DNER: variants seen among roughly 807,000 people sequenced by gnomAD.
The protein encoded by DNER is delta and Notch-like epidermal growth factor-related receptor.
DNER carries 33 observed loss-of-function variants against 78.2 expected under a neutral mutation model. The observed-to-expected ratio is 0.42, with a 90% confidence interval of 0.32 to 0.56. DNER has a LOEUF of 0.56. Among genes scored for constraint, DNER ranks in the 20% least tolerant of loss-of-function variants. The pLI, the probability that DNER is intolerant of heterozygous loss-of-function variation, is 0.11. For synonymous variants in DNER, 417 were observed against 384.8 expected, an observed-to-expected ratio of 1.08 and a Z score of -0.98; for missense variants, 918 against 975.3, an observed-to-expected ratio of 0.94 and a Z score of 0.78.
chr2:229,401,732 T>C (rs1693271529), intron 10 of DNER, among the ~76,000 whole-genome samples: 1 of 152,172 alleles, frequency 6.6e-6, no homozygotes, highest in Non-Finnish European at 1.5e-5. Flanking sequence ...AGTTTTACAA[T>C]ATGTTATCAT....
At chr2:229,497,272 A>G (rs1695519512) in intron 6 of DNER, among the ~76,000 whole-genome samples, 1 of 152,182 alleles carries the variant, frequency 6.6e-6, no homozygotes, top group African/African-American at 2.4e-5. Context: ...GAAACACAAC[A>G]TACCAAAACT....
rs1383701679 is a variant in DNER at position 229,367,127 on chromosome 2, CA to C, written c.1856-9del. ...CGGACTTCCATTGGAGGTCTGCAGG[CA>C]AAAATAAGCAAATGGCTGGGTATGA... On this transcript the variant is annotated splice_polypyrimidine_tract_variant and intron_variant, in intron 11 of 12. Transcript: ENST00000341772. The C allele has an allele frequency of 8.1e-6, 13 of 1,613,302 alleles. No homozygotes were observed. Among genetic ancestry groups the C allele is most frequent in the Non-Finnish European group, 1.1e-5 (13 of 1,179,796 alleles).
chr2:229,398,644 A>T (rs1435924950), intron 10 of DNER, among the ~76,000 whole-genome samples: 1 of 152,142 alleles, frequency 6.6e-6, no homozygotes, highest in Non-Finnish European at 1.5e-5. Context: ...TTTTAAAACA[A>T]CAACTTGAGA....
chr2:229,686,155 G>A (rs1382971445), intron 1 of DNER, among the ~76,000 whole-genome samples: 1 of 151,952 alleles, frequency 6.6e-6, no homozygotes, highest in Non-Finnish European at 1.5e-5. Context: ...ACTTTGCCAG[G>A]GCCTCTCAAA....
rs766256982 is a variant in DNER, at chr2:229,603,346, G to T, written c.277-11458C>A. On this transcript the variant is annotated intron_variant, in intron 1 of 12. Coordinates refer to ENST00000341772, the MANE Select transcript of DNER (RefSeq NM_139072.4). ...GTTAATGGGTGCAGCACACCAACAT[G>T]GCACATGTATGCATATGTAACAAAC... is the stretch of plus-strand genomic sequence containing the variant. Among the ~76,000 whole-genome samples, 32 of 152,126 alleles carry T rather than the reference G, an allele frequency of 2.1e-4. No individual in the cohort carries two copies. In the Middle Eastern group the frequency reaches 0.01, roughly 49 times the overall value.
chr2:229,512,550 C>T (rs1028093300), intron 6 of DNER, among the ~76,000 whole-genome samples: 6 of 152,076 alleles, frequency 3.9e-5, no homozygotes, highest in African/African-American at 1.4e-4. Flanking sequence ...ACACGATGAA[C>T]TTTGGGGACT....
rs761825202 is a variant in DNER, at chr2:229,418,254, A to C, written c.1487-24T>G. On this transcript the variant is annotated intron_variant, in intron 8 of 12. Coordinates refer to ENST00000341772, the MANE Select transcript of DNER (RefSeq NM_139072.4). The stretch of plus-strand genomic sequence containing the variant: ...ACCTGAGGGACAGAGAGAAAGGCCC[A>C]CTGTCAAATGCATCCCATTTACAAC... 16 of 1,613,234 alleles carry C rather than the reference A, an allele frequency of 9.9e-6. No individual in the cohort carries two copies. The East Asian group carries it at 3.1e-4, about 31-fold the overall frequency.
chr2:229,580,715 G>C (rs527510216), intron 4 of DNER, among the ~76,000 whole-genome samples: 35 of 152,274 alleles, frequency 2.3e-4, no homozygotes, highest in Admixed American at 4.6e-4. Context: ...GAAAAAATCG[G>C]GGTTTCTCTG....
intron 1 of DNER, among the ~76,000 whole-genome samples, chr2:229,604,816 A>C (rs1355230053): frequency 6.6e-6 from 1 of 152,200 alleles, no homozygotes; most frequent in African/African-American, 2.4e-5. Context: ...TCTGGAGATA[A>C]GCCTTCTATA....
chr2:229,461,793 G>T (rs935245585), intron 7 of DNER, among the ~76,000 whole-genome samples: 1 of 151,970 alleles, frequency 6.6e-6, no homozygotes, highest in African/African-American at 2.4e-5. Flanking sequence ...TGAACATAGT[G>T]ATATCTCTGG....
chr2:229,505,457 G>A (rs966263418), intron 6 of DNER, among the ~76,000 whole-genome samples: 9 of 151,216 alleles, frequency 6.0e-5, no homozygotes, highest in East Asian at 1.9e-4. Flanking sequence ...GAGTAGAGCC[G>A]GGGGGGTCCC....
chr2:229,637,920 T>A (rs1006785975), intron 1 of DNER, among the ~76,000 whole-genome samples: 1 of 152,234 alleles, frequency 6.6e-6, no homozygotes, highest in Non-Finnish European at 1.5e-5. Context: ...AATTACCAAG[T>A]TGCTTTAAGA....
At chr2:229,542,276 C>T (rs1057437712) in intron 5 of DNER, among the ~76,000 whole-genome samples, 2 of 152,040 alleles carry the variant, frequency 1.3e-5, no homozygotes, top group South Asian at 4.2e-4. Context: ...CAGAATCAAC[C>T]CTTGGTAACA....
intron 1 of DNER, among the ~76,000 whole-genome samples, chr2:229,648,263 G>A (rs2154216199): frequency 6.6e-6 from 1 of 152,268 alleles, no homozygotes; most frequent in South Asian, 2.1e-4. Flanking sequence ...TGCAACCCAG[G>A]AGTCTAGCGC....
At chr2:229,684,141 T>G (rs1699437986) in intron 1 of DNER, among the ~76,000 whole-genome samples, 1 of 113,444 alleles carries the variant, frequency 8.8e-6, no homozygotes, top group South Asian at 3.5e-4. Context: ...TGTGTCTGTG[T>G]ATGTGAGAGA....
intron 6 of DNER, among the ~76,000 whole-genome samples, chr2:229,502,450 A>C (rs1271863161): frequency 6.6e-6 from 1 of 152,098 alleles, no homozygotes; most frequent in Non-Finnish European, 1.5e-5. Flanking sequence ...AGAGAGACAG[A>C]GACTGCCGAT....
At chr2:229,699,929 C>T (rs1425814157) in intron 1 of DNER, among the ~76,000 whole-genome samples, 1 of 151,914 alleles carries the variant, frequency 6.6e-6, no homozygotes, top group Non-Finnish European at 1.5e-5. Context: ...AAAAATGATA[C>T]ATAGGGAAAA....
chr2:229,657,375 A>G (rs1698930327), intron 1 of DNER, among the ~76,000 whole-genome samples: 1 of 152,090 alleles, frequency 6.6e-6, no homozygotes, highest in Admixed American at 6.5e-5. Context: ...CATTTTCTTT[A>G]TCCATTCACC....
chr2:229,463,265 A>G (rs546009917), intron 7 of DNER, among the ~76,000 whole-genome samples: 2 of 151,180 alleles, frequency 1.3e-5, no homozygotes, highest in Non-Finnish European at 2.9e-5. Context: ...ATGGTGTAAT[A>G]GAGAACATAT....
Sources: gnomAD v4.1 joint callset for allele counts (sites outside exome capture counted in the v4.1 genomes callset) on GRCh38, gnomAD v4.1.1 for gene constraint, MANE v1.5 for transcripts, NCBI Gene and HGNC (gene_info 2026-07-23, HGNC 2026-07-21) for gene names.